Variants in BLNK observed in about 807,000 individuals in gnomAD.
The protein encoded by BLNK is B cell linker, also known as B-cell linker protein.
BLNK carries 29 observed loss-of-function variants against 73.5 expected under a neutral mutation model. That is an observed-to-expected ratio of 0.39 (90% CI 0.29 to 0.54). The LOEUF (loss-of-function observed/expected upper bound fraction) is 0.54. Among genes scored for constraint, BLNK ranks in the 20% least tolerant of loss-of-function variants. The probability of loss-of-function intolerance (pLI) is 0.61; values close to 1 mark genes in which losing one functional copy is unlikely to be tolerated. For missense variants in BLNK, 460 were observed against 562.8 expected (o/e 0.82, Z 1.85); for synonymous variants, 176 against 200.8 (o/e 0.88, Z 1.04).
At chr10:96,198,032 A>G (rs920330254) in intron 15 of BLNK, among the ~76,000 whole-genome samples, 3 of 151,926 alleles carry the variant, frequency 2.0e-5, no homozygotes, top group Non-Finnish European at 2.9e-5. Context: ...AAAAATTACG[A>G]ACAAAAGATG....
intron 5 of BLNK, among the ~76,000 whole-genome samples, chr10:96,226,460 C>T (rs782124075): frequency 3.3e-5 from 5 of 152,272 alleles, no homozygotes; most frequent in Admixed American, 6.5e-5. Context: ...ATGCTGGCAT[C>T]GCCATGACCA....
At chr10:96,233,509 G>T (rs1246589557) in intron 3 of BLNK, among the ~76,000 whole-genome samples, 1 of 151,310 alleles carries the variant, frequency 6.6e-6, no homozygotes, top group Non-Finnish European at 1.5e-5. Flanking sequence ...TCCCACCACC[G>T]ACTTCTTGCG....
chr10:96,224,092 G>T (rs1591325437), intron 5 of BLNK, 103 bp from the exon 6 acceptor site: 57 of 1,358,648 alleles, frequency 4.2e-5, no homozygotes, highest in East Asian at 2.3e-5. Flanking sequence ...GGGTGTCTAT[G>T]TAGCCACAAA....
At chr10:96,214,934 T>A (rs1201336554) in intron 8 of BLNK, among the ~76,000 whole-genome samples, 1 of 152,132 alleles carries the variant, frequency 6.6e-6, no homozygotes, top group Non-Finnish European at 1.5e-5. Flanking sequence ...GTGGCATAGC[T>A]GGTAACGGGG....
In BLNK at chr10:96,189,696, A is replaced by AG; in HGVS notation, c.*2276_*2277insC. ...CTTTTTCTTCAGTTTCCTCATCATCAAAATCATCATCATCATCATCATCAT... is the reference window on the plus strand; with the variant it reads ...CTTTTTCTTCAGTTTCCTCATCATCAGAAATCATCATCATCATCATCATCAT... On this transcript the variant is annotated 3_prime_UTR_variant, in exon 17 of 17. Coordinates refer to ENST00000224337, the MANE Select transcript of BLNK (RefSeq NM_013314.4). 1.4e-6 allele frequency: 1 copy of AG among 705,346 alleles called. No homozygotes were observed. Among genetic ancestry groups the AG allele is most frequent in the South Asian group, 1.4e-5 (1 of 72,154 alleles). 43.7% of individuals were successfully genotyped at this position (705,346 alleles called of 1,614,324 possible). A position where few individuals can be genotyped will look rare whatever the true frequency, so the allele number is the denominator to read the frequency against.
chr10:96,217,072 T>A (rs2134003367), intron 6 of BLNK, among the ~76,000 whole-genome samples: 1 of 152,312 alleles, frequency 6.6e-6, no homozygotes, highest in South Asian at 2.1e-4. Flanking sequence ...AATCACACAA[T>A]CTGTAGTCTT....
chr10:96,241,457 C>G (rs587698258), intron 3 of BLNK, among the ~76,000 whole-genome samples: 2 of 152,308 alleles, frequency 1.3e-5, no homozygotes, highest in South Asian at 2.1e-4. Context: ...TCAAAACTAA[C>G]CCTTCTTTCC....
At chr10:96,212,147 T>G (rs2083962940) in intron 8 of BLNK, among the ~76,000 whole-genome samples, 1 of 152,148 alleles carries the variant, frequency 6.6e-6, no homozygotes, top group African/African-American at 2.4e-5. Flanking sequence ...GAGGACAGCA[T>G]GATTGTCATG....
chr10:96,231,138 G>T (rs587714084), intron 3 of BLNK, among the ~76,000 whole-genome samples: 3 of 152,164 alleles, frequency 2.0e-5, no homozygotes, highest in African/African-American at 4.8e-5. Flanking sequence ...ATACTATGTG[G>T]CTTCTAAGGA....
chr10:96,253,857 T>G (rs1231497463), intron 1 of BLNK, among the ~76,000 whole-genome samples: 4 of 147,138 alleles, frequency 2.7e-5, no homozygotes, highest in Non-Finnish European at 6.0e-5. Context: ...CTACTAAAAA[T>G]ACAAAAAAAA....
At chr10:96,213,933 G>A (rs1223316390) in intron 8 of BLNK, among the ~76,000 whole-genome samples, 5 of 152,192 alleles carry the variant, frequency 3.3e-5, no homozygotes, top group African/African-American at 9.7e-5. Context: ...CTTATAAAGC[G>A]CTTGTGGGTT....
intron 7 of BLNK, 123 bp downstream of exon 7, chr10:96,216,530 G>T: frequency 1.2e-6 from 1 of 824,952 alleles, no homozygotes. Flanking sequence ...ACACACTGTG[G>T]CCCAGGGGAG....
intron 8 of BLNK, among the ~76,000 whole-genome samples, chr10:96,211,811 TTAAG>T (rs2083955066): frequency 6.6e-6 from 1 of 152,228 alleles, no homozygotes; most frequent in Admixed American, 6.5e-5. Context: ...CTCCCTGTGT[TTAAG>T]TAACTGGTGT....
intron 13 of BLNK, among the ~76,000 whole-genome samples, chr10:96,201,543 CAG>C (rs1347320984): frequency 6.6e-6 from 1 of 152,086 alleles, no homozygotes; most frequent in African/African-American, 2.4e-5. Flanking sequence ...TTAAATGTCT[CAG>C]TTTTAATTCT....
intron 11 of BLNK, among the ~76,000 whole-genome samples, 186 bp downstream of exon 11, chr10:96,206,825 T>C (rs587597328): frequency 6.6e-6 from 1 of 152,380 alleles, no homozygotes; most frequent in South Asian, 2.1e-4. Flanking sequence ...TGTAGCCTAC[T>C]CTAAACATGC....
At chr10:96,222,171 C>G (rs587774671) in intron 6 of BLNK, among the ~76,000 whole-genome samples, 2 of 152,306 alleles carry the variant, frequency 1.3e-5, no homozygotes, top group Admixed American at 1.3e-4. Context: ...AGATGAAAAA[C>G]AGACTCATAG....
rs782611368 is a variant in BLNK at position 96,232,041 on chromosome 10, T to G, written c.164-1207A>C. Among the ~76,000 whole-genome samples, 80 of 152,248 alleles carry G rather than the reference T, an allele frequency of 5.3e-4. 1 individual carries two copies. Among genetic ancestry groups the G allele is most frequent in the Admixed American group, 6.5e-5 (1 of 15,290 alleles). Reference sequence around the variant, plus strand: ...CAGCCCAGGCGAATATTTGACCCCTTTCCCTCCAAAACACATTTAGAGTAT... The same window carrying G: ...CAGCCCAGGCGAATATTTGACCCCTGTCCCTCCAAAACACATTTAGAGTAT... On this transcript the variant is annotated intron_variant, in intron 3 of 16. Transcript: ENST00000224337.
At chr10:96,223,249 A>T (rs1180139721) in intron 6 of BLNK, among the ~76,000 whole-genome samples, 2 of 152,234 alleles carry the variant, frequency 1.3e-5, no homozygotes, top group Non-Finnish European at 2.9e-5. Flanking sequence ...GACAGCCCAC[A>T]CAAAGGAAGA....
intron 12 of BLNK, 96 bp downstream of exon 12, chr10:96,204,436 G>T: frequency 6.1e-6 from 8 of 1,308,276 alleles, no homozygotes; most frequent in Non-Finnish European, 8.9e-6. Flanking sequence ...TTTTTACCTA[G>T]CACTGCAAGT....
Sources: gnomAD v4.1 joint callset for allele counts (sites outside exome capture counted in the v4.1 genomes callset) on GRCh38, gnomAD v4.1.1 for gene constraint, MANE v1.5 for transcripts, NCBI Gene and HGNC (gene_info 2026-07-23, HGNC 2026-07-21) for gene names.